The following GLCCI1 variants were observed in gnomAD, a reference collection of about 807,000 sequenced individuals.
GLCCI1 encodes glucocorticoid induced 1.
In GLCCI1, 24 loss-of-function variants were observed where a neutral mutation model predicts 52.2. That is an observed-to-expected ratio of 0.46 (90% CI 0.33 to 0.65). The LOEUF is 0.65. Ranked by LOEUF, GLCCI1 falls within the 30% of genes least tolerant of loss-of-function variation. GLCCI1 has a pLI of 0.02. For missense variants in GLCCI1, 704 were observed against 701.5 expected (o/e 1.00, Z -0.04); for synonymous variants, 310 against 276.5 (o/e 1.12, Z -1.20).
chr7:8,014,787 T>C (rs796595346), intron 2 of GLCCI1, among the ~76,000 whole-genome samples: 9 of 152,348 alleles, frequency 5.9e-5, no homozygotes, highest in African/African-American at 2.2e-4. Context: ...ATTTCAAAAC[T>C]TGTATTCTCT....
chr7:7,969,897 C>G lies in GLCCI1; in HGVS notation c.457+90C>G. ...TTCAGCCTCTTCGGGCTTCTCTTTG[C>G]TAGTGCATTATCGAAGGTGTGAAAG... On this transcript the variant is annotated intron_variant, in intron 1 of 7. Transcript: ENST00000223145. The surrounding 1 kb of genome is among the most constrained non-coding windows in gnomAD (Gnocchi z 4.9). The G allele has an allele frequency of 8.6e-7, 1 of 1,162,918 alleles. No homozygotes were observed. The highest frequency in any genetic ancestry group is 1.1e-6 in the Non-Finnish European group (1 of 932,044). The allele number at this position is 1,162,918 out of a possible 1,614,324, so 72.0% of individuals were successfully genotyped here. A position where few individuals can be genotyped will look rare whatever the true frequency, so the allele number is the denominator to read the frequency against.
chr7:8,018,558 C>A (rs931095283), intron 2 of GLCCI1, among the ~76,000 whole-genome samples: 1 of 152,082 alleles, frequency 6.6e-6, no homozygotes, highest in Non-Finnish European at 1.5e-5. Flanking sequence ...AAAAGTGGTT[C>A]TCACACAGGT....
intron 5 of GLCCI1, chr7:8,070,558 T>TA (rs1469253923): frequency 1.2e-5 from 2 of 162,174 alleles, no homozygotes. Flanking sequence ...CAAAGTGATT[T>TA]TTTTTTTAGC....
chr7:8,019,780 T>C (rs114160125), intron 2 of GLCCI1, among the ~76,000 whole-genome samples: 2,802 of 152,226 alleles, frequency 0.018, 88 homozygotes, highest in African/African-American at 0.064. Flanking sequence ...TATATAAACA[T>C]AGAAAAGGCA....
intron 3 of GLCCI1, among the ~76,000 whole-genome samples, chr7:8,026,008 A>G (rs909810384): frequency 2.0e-5 from 3 of 152,240 alleles, no homozygotes; most frequent in Non-Finnish European, 4.4e-5. Flanking sequence ...GTTTGTATCC[A>G]TAGGAAGAAT....
chr7:8,058,121 A>G (rs560124824), intron 4 of GLCCI1, among the ~76,000 whole-genome samples: 2 of 152,324 alleles, frequency 1.3e-5, no homozygotes, highest in East Asian at 3.9e-4. Context: ...AGATGACTAG[A>G]TAAAGTATAA....
chr7:8,011,587 A>G (rs928778073), intron 2 of GLCCI1, among the ~76,000 whole-genome samples: 2 of 152,098 alleles, frequency 1.3e-5, no homozygotes, highest in Non-Finnish European at 2.9e-5. Flanking sequence ...ACAGTTGCAA[A>G]TAATGCTGCT....
At chr7:8,027,198 T>G (rs1166343335) in intron 3 of GLCCI1, among the ~76,000 whole-genome samples, 2 of 152,102 alleles carry the variant, frequency 1.3e-5, no homozygotes, top group African/African-American at 4.8e-5. Context: ...GACAAAGAAT[T>G]CAAAGTAGCT....
At chr7:8,067,545 G>A (rs1270693565) in intron 5 of GLCCI1, among the ~76,000 whole-genome samples, 1 of 152,126 alleles carries the variant, frequency 6.6e-6, no homozygotes, top group Non-Finnish European at 1.5e-5. Flanking sequence ...GTCCTTTCAG[G>A]ACCTCTTGTA....
chr7:8,030,255 G>A (rs1781716410), intron 3 of GLCCI1, among the ~76,000 whole-genome samples: 2 of 152,004 alleles, frequency 1.3e-5, no homozygotes, highest in African/African-American at 2.4e-5. Flanking sequence ...CCTAAAATGA[G>A]CTCATTTTTG....
intron 6 of GLCCI1, among the ~76,000 whole-genome samples, chr7:8,083,475 G>A (rs775261669): frequency 2.0e-5 from 3 of 152,110 alleles, no homozygotes; most frequent in Non-Finnish European, 4.4e-5. Flanking sequence ...ATTATGCTTT[G>A]TATCAACCTG....
Position 7,980,061 on chromosome 7 carries a change from A to G in GLCCI1, c.457+10254A>G, listed in dbSNP as rs528530147. ...CCTCCCAAATAGCTGGGACCATGGG[A>G]GTGTGCCAGCACACCTGGCTAATTT... On this transcript the variant is annotated intron_variant, in intron 1 of 7. Transcript: ENST00000223145. Among the ~76,000 whole-genome samples the G allele has an allele frequency of 1.4e-4, 21 of 152,066 alleles. No individual in the cohort carries two copies. In the South Asian group the frequency reaches 3.9e-3, roughly 29 times the overall value.
chr7:8,037,500 CAACTAGGT>C (rs1489572809), intron 3 of GLCCI1, among the ~76,000 whole-genome samples: 2 of 152,134 alleles, frequency 1.3e-5, no homozygotes, highest in Non-Finnish European at 2.9e-5. Flanking sequence ...GACTACAAAG[CAACTAGGT>C]AAGTTAACAT....
Position 8,086,524 on chromosome 7 carries a change from T to C in GLCCI1, c.1630T>C (p.Tyr544His), listed in dbSNP as rs1048757697. 1.3e-5 allele frequency: 21 copies of C among 1,585,012 alleles called. No homozygotes were observed. The highest frequency in any genetic ancestry group is 1.5e-5 in the Non-Finnish European group (18 of 1,167,836). ...TGAGGACCACATCTCTGCTCAGAAC[T>C]ATGTGATCATCTAAAAAAGGGGGAG... is the stretch of plus-strand genomic sequence containing the variant. ...QGEDHISAQN[Y>H]VII The change falls in exon 8 of 8, where the codon TAT becomes CAT. Residue 544 changes from tyrosine to histidine, a missense_variant. By Grantham distance (83) the Tyr-to-His change is moderately conservative. This residue lies in a region of GLCCI1 where 149 missense variants were observed against 152.9 expected (regional missense o/e 0.97). Coordinates refer to ENST00000223145, the MANE Select transcript of GLCCI1 (RefSeq NM_138426.4). This position sits in a 1 kb window ranked among gnomAD's most constrained non-coding sequence, Gnocchi z 4.4.
At chr7:7,998,127 C>T (rs947234597) in intron 1 of GLCCI1, among the ~76,000 whole-genome samples, 2 of 150,174 alleles carry the variant, frequency 1.3e-5, no homozygotes, top group East Asian at 3.9e-4. Context: ...TGTAAGAGAA[C>T]CTACTTTGTT....
rs57135358 is a variant in GLCCI1, at chr7:7,973,413, C to CGTGTGTGTGTGTGTGT, written c.457+3619_457+3634dup. On this transcript the variant is annotated intron_variant, in intron 1 of 7. Transcript: ENST00000223145. ...AGTAGGAAATGCAAATCTTTGTGTG[C>CGTGTGTGTGTGTGTGT]GTGTGTGTGTGTGTGTGTGTGTGTG... Among the ~76,000 whole-genome samples the CGTGTGTGTGTGTGTGT allele has an allele frequency of 6.1e-3, 908 of 147,660 alleles. 5 individuals are homozygous for CGTGTGTGTGTGTGTGT. Among genetic ancestry groups the CGTGTGTGTGTGTGTGT allele is most frequent in the Middle Eastern group, 0.021 (6 of 290 alleles).
At chr7:8,070,516 A>G (rs1162577335) in intron 5 of GLCCI1, 1 of 160,216 alleles carries the variant, frequency 6.2e-6, no homozygotes, top group African/African-American at 2.4e-5. Context: ...AATATGAGGA[A>G]TATGAGATTT....
At chr7:7,973,398 G>A (rs1338632674) in intron 1 of GLCCI1, among the ~76,000 whole-genome samples, 2 of 146,308 alleles carry the variant, frequency 1.4e-5, no homozygotes. Flanking sequence ...AGTAGGAAAT[G>A]CAAATCTTTG....
chr7:8,018,250 A>G (rs1781417409), intron 2 of GLCCI1, among the ~76,000 whole-genome samples: 1 of 152,168 alleles, frequency 6.6e-6, no homozygotes, highest in Admixed American at 6.5e-5. Flanking sequence ...ATATTTAAAT[A>G]AGATTAAAGA....
Sources: gnomAD v4.1 joint callset for allele counts (sites outside exome capture counted in the v4.1 genomes callset) on GRCh38, gnomAD v4.1.1 for gene constraint, gnomAD v4.1.1 regional missense constraint, Gnocchi (gnomAD v3.1) non-coding constraint, MANE v1.5 for transcripts, NCBI Gene and HGNC (gene_info 2026-07-23, HGNC 2026-07-21) for gene names.